Variants in PFAS observed in about 807,000 individuals in gnomAD.
PFAS encodes phosphoribosylformylglycinamidine synthase.
PFAS carries 97 observed loss-of-function variants against 140.6 expected under a neutral mutation model. That is an observed-to-expected ratio of 0.69 (90% confidence interval 0.59 to 0.82). PFAS has a LOEUF of 0.82. PFAS is among the 40% of genes least tolerant of loss of function. The pLI is 0.00. For synonymous variants in PFAS, 679 were observed against 718.8 expected (o/e 0.94, Z 0.88); for missense variants, 1,656 against 1,780.2 (o/e 0.93, Z 1.26).
At position 8,249,348 on chromosome 17, in the gene PFAS, A is replaced by T. The variant is rs1269439522; in HGVS notation, c.-80+9A>T. 1.3e-5 allele frequency: 2 copies of T among 152,204 alleles called. No individual in the cohort carries two copies. Among genetic ancestry groups the T allele is most frequent in the Non-Finnish European group, 2.9e-5 (2 of 68,036 alleles). 9.4% of individuals were successfully genotyped at this position (152,204 alleles called of 1,614,324 possible). A position where few individuals can be genotyped will look rare whatever the true frequency, so the allele number is the denominator to read the frequency against. ...GCGAGTGCATCTTCCACGTGAGTAT[A>T]GTTACCGCGTGCGGACCTGGATCCT... On this transcript the variant is annotated intron_variant, in intron 1 of 27. Transcript: ENST00000314666.
Position 8,266,123 on chromosome 17 carries a change from C to T in PFAS, c.2701+106C>T. The T allele has an allele frequency of 6.5e-7, 1 of 1,543,732 alleles. No homozygotes were observed. ...AGGGACTCCAATGGACGATGTACCCCAGATCCCCTGACATTCTGACACACA... is the reference window on the plus strand; with the variant it reads ...AGGGACTCCAATGGACGATGTACCCTAGATCCCCTGACATTCTGACACACA... On this transcript the variant is annotated intron_variant, in intron 21 of 27. Coordinates refer to ENST00000314666, the MANE Select transcript of PFAS (RefSeq NM_012393.3). This position sits in a 1 kb window ranked among gnomAD's most constrained non-coding sequence, Gnocchi z 5.0.
Position 8,267,606 on chromosome 17 carries a change from T to C in PFAS, c.3323T>C (p.Phe1108Ser), listed in dbSNP as rs1567646720. ...TCTGGGGCAATTGGGCTGGACACTT[T>C]CCGTGGCGTGGCCTTCGTGGGCGGC... is the stretch of plus-strand genomic sequence containing the variant. Reference protein sequence around the residue: ...LCSGAIGLDTFRGVAFVGGFS... With the variant: ...LCSGAIGLDTSRGVAFVGGFS... The change falls in exon 26 of 28, where the codon TTC (phenylalanine) becomes TCC (serine). Residue 1108 changes from phenylalanine to serine, a missense_variant. Physicochemically the swap from Phe to Ser is radical, Grantham distance 155 (BLOSUM62 -2). Coordinates refer to ENST00000314666, the MANE Select transcript of PFAS (RefSeq NM_012393.3). The surrounding 1 kb of genome is among the most constrained non-coding windows in gnomAD (Gnocchi z 4.9). 1 of 1,613,732 alleles carries C rather than the reference T, an allele frequency of 6.2e-7. No individual in the cohort carries two copies.
At position 8,265,063 on chromosome 17, in the gene PFAS, G is replaced by T. The variant is rs372891346; in HGVS notation, c.2218G>T (p.Ala740Ser). ...GAGCCTGCTGGACCCAAAAGTCGCC[G>T]CCCGGCTGGCCGTGGCCGAAGCCCT... ...VKSLLDPKVA[A>S]RLAVAEALTN... is the part of the protein sequence containing the mutation. The change falls in exon 18 of 28, where the codon GCC (alanine) becomes TCC (serine). Residue 740 changes from alanine (A) to serine (S), a missense_variant. Physicochemically the swap from Ala to Ser is moderately conservative, Grantham distance 99. Coordinates refer to ENST00000314666, the MANE Select transcript of PFAS (RefSeq NM_012393.3). 1 of 1,613,356 alleles carries T rather than the reference G, an allele frequency of 6.2e-7. No homozygotes were observed. Among genetic ancestry groups the T allele is most frequent in the Admixed American group, 1.7e-5 (1 of 60,012 alleles).
rs745498348 is a variant in PFAS at position 8,265,284 on chromosome 17, C to G, written c.2281-4C>G. 3 of 1,611,596 alleles carry G rather than the reference C, an allele frequency of 1.9e-6. No homozygotes were observed. The highest frequency in any genetic ancestry group is 1.1e-5 in the South Asian group (1 of 90,730). ...CTCTAATGCTGTGCCTCTGCCACCC[C>G]CAGGATGTGAAGTGTAGCGGGAACT... is the stretch of plus-strand genomic sequence containing the variant. On this transcript the variant is annotated splice_polypyrimidine_tract_variant and splice_region_variant and intron_variant, in intron 18 of 27. Transcript: ENST00000314666.
In PFAS at chr17:8,268,699, T is replaced by TGACTCCCAGCCAGCCCG. The variant is rs1212816693; in HGVS notation, c.3551_3567dup (p.Pro1190ThrfsTer34). ...ATGAGGATGCTGCAGAGATGGGCCCTGACTCCCAGCCAGCCCGGCCAGGCC... is the reference window on the plus strand; with the variant it reads ...ATGAGGATGCTGCAGAGATGGGCCCTGACTCCCAGCCAGCCCGGACTCCCAGCCAGCCCGGCCAGGCC... On this transcript the variant is annotated frameshift_variant, in exon 27 of 28. Coordinates refer to ENST00000314666, the MANE Select transcript of PFAS (RefSeq NM_012393.3). LOFTEE classifies it high-confidence loss of function. 99 of 1,613,146 alleles carry TGACTCCCAGCCAGCCCG rather than the reference T, an allele frequency of 6.1e-5. No homozygotes were observed. Among genetic ancestry groups the TGACTCCCAGCCAGCCCG allele is most frequent in the Non-Finnish European group, 8.3e-5 (98 of 1,179,914 alleles).
intron 1 of PFAS, among the ~76,000 whole-genome samples, chr17:8,250,660 G>C (rs1989114586): frequency 6.6e-6 from 1 of 152,126 alleles, no homozygotes; most frequent in Non-Finnish European, 1.5e-5. Flanking sequence ...GAGGGCCTTT[G>C]AATGTTAGGC....
At position 8,263,616 on chromosome 17, in the gene PFAS, A is replaced by G. The variant is rs1989683469; in HGVS notation, c.1609A>G (p.Ile537Val). The G allele has an allele frequency of 6.2e-7, 1 of 1,613,850 alleles. No individual in the cohort carries two copies. The highest frequency in any genetic ancestry group is 1.3e-5 in the African/African-American group (1 of 74,862). The part of the protein sequence containing the change: ...KELSDPAGAI[I>V]YTSRFQLGDP... ...GCTGAGTGACCCAGCTGGAGCCATC[A>G]TTTACACCAGCCGCTTCCAGGTGGG... The change falls in exon 14 of 28, where the codon ATT becomes GTT. Residue 537 changes from isoleucine (I) to valine (V), a missense_variant. By Grantham distance (29) the Ile-to-Val change is conservative. This residue lies in a region of PFAS where 773 missense variants were observed against 757.3 expected (regional missense o/e 1.02). Coordinates refer to ENST00000314666, the MANE Select transcript of PFAS (RefSeq NM_012393.3).
At position 8,268,678 on chromosome 17, in the gene PFAS, G is replaced by A. The variant is rs766954533; in HGVS notation, c.3528G>A (p.Glu1176=). 5.0e-6 allele frequency: 8 copies of A among 1,613,566 alleles called. No homozygotes were observed. The South Asian group carries it at 7.7e-5, about 16-fold the overall frequency. The part of the protein sequence containing the change: ...LLGWVGGDPN[E]DAAEMGPDSQ... ...GCTGGGTGGGAGGCGACCCCAATGAGGATGCTGCAGAGATGGGCCCTGACT... is the reference window on the plus strand; with the variant it reads ...GCTGGGTGGGAGGCGACCCCAATGAAGATGCTGCAGAGATGGGCCCTGACT... Residue 1176 remains glutamate (E), a synonymous_variant, in exon 27 of 28, where the codon GAG becomes GAA. Coordinates refer to ENST00000314666, the MANE Select transcript of PFAS (RefSeq NM_012393.3).
rs1413591018 is a variant in PFAS, at chr17:8,265,515, G to T, written c.2462-41G>T. The stretch of plus-strand genomic sequence containing the variant: ...GAGGGGAGGAGGAACTATGGAGCTG[G>T]GTTGGCAACTCATTCCTTTGGACTC... On this transcript the variant is annotated intron_variant, in intron 19 of 27. Coordinates refer to ENST00000314666, the MANE Select transcript of PFAS (RefSeq NM_012393.3). 4 of 1,613,374 alleles carry T rather than the reference G, an allele frequency of 2.5e-6. No homozygotes were observed. In the South Asian group the frequency reaches 3.3e-5, roughly 13 times the overall value.
In PFAS at chr17:8,254,277, A is replaced by G. The variant is rs761114964; in HGVS notation, c.254A>G (p.Asp85Gly). The G allele has an allele frequency of 6.2e-7, 1 of 1,613,766 alleles. No homozygotes were observed. The change falls in exon 3 of 28, where the codon GAC becomes GGC. Residue 85 changes from aspartate to glycine, a missense_variant. Physicochemically the swap from Asp to Gly is moderately conservative, Grantham distance 94. Around this residue, in one of 2 missense-constraint regions of PFAS, gnomAD observed 773 missense variants for 757.3 expected, o/e 1.02. Coordinates refer to ENST00000314666, the MANE Select transcript of PFAS (RefSeq NM_012393.3). ...TCCTGGCTCCTTCCTGGCTCCAATG[A>G]CCTGCTGCTGGAGGTCGGGCCCAGG... ...RESWLLPGSN[D>G]LLLEVGPRLN... is the part of the protein sequence containing the mutation.
In PFAS at chr17:8,263,860, G is replaced by C; in HGVS notation, c.1715G>C (p.Arg572Pro). The C allele has an allele frequency of 6.2e-7, 1 of 1,614,086 alleles. No individual in the cohort carries two copies. The highest frequency in any genetic ancestry group is 8.5e-7 in the Non-Finnish European group (1 of 1,180,002). ...GCTCTTCTGCTGAGGTCCCCCAACC[G>C]GGACTTCCTGACTCATGTCAGTGCC... The part of the protein sequence containing the change: ...SNALLLRSPN[R>P]DFLTHVSARE... Residue 572 changes from arginine to proline, a missense_variant, in exon 15 of 28, where the codon CGG (arginine) becomes CCG (proline). Arg to Pro is a moderately radical substitution (Grantham distance 103). Around this residue, in one of 2 missense-constraint regions of PFAS, gnomAD observed 773 missense variants for 757.3 expected, o/e 1.02. Transcript: ENST00000314666.
chr17:8,248,633 C>T (rs757682023), upstream of PFAS, among the ~76,000 whole-genome samples: 1 of 151,988 alleles, frequency 6.6e-6, no homozygotes, highest in Non-Finnish European at 1.5e-5. Flanking sequence ...TCTCGGTTCA[C>T]TGCAGCCTCG....
intron 9 of PFAS, 56 bp from the exon 10 acceptor site, chr17:8,257,751 C>A: frequency 6.3e-7 from 1 of 1,596,778 alleles, no homozygotes; most frequent in Non-Finnish European, 8.6e-7. Flanking sequence ...GCAGGCTGCT[C>A]CGGCCTGTCT....
chr17:8,257,923 G>A lies in PFAS; in HGVS notation c.1192G>A (p.Glu398Lys). The A allele has an allele frequency of 6.2e-7, 1 of 1,614,206 alleles. No homozygotes were observed. The highest frequency in any genetic ancestry group is 8.5e-7 in the Non-Finnish European group (1 of 1,180,034). Residue 398 changes from glutamate (E) to lysine (K), a missense_variant, in exon 10 of 28, where the codon GAA becomes AAA. Coordinates refer to ENST00000314666, the MANE Select transcript of PFAS (RefSeq NM_012393.3). ...GASDYGNKFGEPVLAGFARSL... is the reference protein window; with the variant it reads ...GASDYGNKFGKPVLAGFARSL... ...TTCTGACTATGGCAACAAGTTTGGG[G>A]AACCAGTGCTGGCTGGTGAGGCTGG...
At position 8,262,939 on chromosome 17, in the gene PFAS, T is replaced by C; in HGVS notation, c.1356T>C (p.Val452=). 1 of 1,614,122 alleles carries C rather than the reference T, an allele frequency of 6.2e-7. No individual in the cohort carries two copies. Among genetic ancestry groups the C allele is most frequent in the South Asian group, 1.1e-5 (1 of 91,082 alleles). ...APEPGMEVVK[V]GGPVYRIGVG... Reference sequence around the variant, plus strand: ...TTACAGGCATGGAAGTTGTAAAGGTTGGAGGTCCCGTCTACAGGATTGGAG... The same window carrying C: ...TTACAGGCATGGAAGTTGTAAAGGTCGGAGGTCCCGTCTACAGGATTGGAG... Residue 452 remains valine, a synonymous_variant, in exon 12 of 28, where the codon GTT becomes GTC. Transcript: ENST00000314666.
rs1435806635 is a variant in PFAS at position 8,264,936 on chromosome 17, C to A, written c.2091C>A (p.Cys697Ter). The A allele has an allele frequency of 6.2e-7, 1 of 1,606,450 alleles. No individual in the cohort carries two copies. Among genetic ancestry groups the A allele is most frequent in the Non-Finnish European group, 8.5e-7 (1 of 1,175,644 alleles). Residue 697 changes from cysteine (C) to a stop codon, truncating the protein, a stop_gained, in exon 18 of 28, where the codon TGC (cysteine) becomes TGA (stop). Transcript: ENST00000314666. LOFTEE classifies it high-confidence loss of function. ...GAGGCCTGGTGGCCCAGCAGCAGTG[C>A]GTGGGGCCCCTGCAAACTCCTCTGG... is the stretch of plus-strand genomic sequence containing the variant. ...SVGGLVAQQQ[C>*]VGPLQTPLAD... is the part of the protein sequence containing the mutation.
upstream of PFAS, chr17:8,247,885 C>T (rs1285417969): frequency 2.0e-6 from 2 of 994,708 alleles, no homozygotes; most frequent in Non-Finnish European, 3.1e-6. Flanking sequence ...ACAACCCCCT[C>T]ACCCATGGGC....
chr17:8,264,822 C>A, intron 17 of PFAS, 73 bp from the exon 18 acceptor site: 1 of 1,144,818 alleles, frequency 8.7e-7, no homozygotes, highest in Non-Finnish European at 1.2e-6. Flanking sequence ...GCCCTGAGTG[C>A]CTTGGGGGCA....
intron 9 of PFAS, among the ~76,000 whole-genome samples, chr17:8,257,563 A>G (rs1989423608): frequency 6.6e-6 from 1 of 152,138 alleles, no homozygotes; most frequent in Non-Finnish European, 1.5e-5. Context: ...CTCAAAAAAA[A>G]AAACAGAAAG....
Sources: allele counts gnomAD v4.1 joint callset (sites outside exome capture counted in the v4.1 genomes callset), GRCh38; gene constraint gnomAD v4.1.1; regional missense constraint gnomAD v4.1.1; non-coding constraint Gnocchi (gnomAD v3.1); transcripts MANE v1.5; gene names NCBI Gene and HGNC (gene_info 2026-07-23, HGNC 2026-07-21).